The following OPCML variants were observed in gnomAD, a reference collection of about 807,000 sequenced individuals.
The protein encoded by OPCML is opioid binding protein/cell adhesion molecule like, also known as opioid-binding protein/cell adhesion molecule.
OPCML carries 13 observed loss-of-function variants against 37.8 expected under a neutral mutation model. The ratio of observed to expected loss-of-function variants is 0.34; its 90% CI spans 0.22 to 0.55. The LOEUF (loss-of-function observed/expected upper bound fraction) is 0.55, where lower values mean the gene tolerates loss of function less well. Among genes scored for constraint, OPCML ranks in the 20% least tolerant of loss-of-function variants. The pLI, the probability that OPCML is intolerant of heterozygous loss-of-function variation, is 0.91. For synonymous variants in OPCML, 176 were observed against 168.8 expected (o/e 1.04, Z -0.33); for missense variants, 341 against 435.6 (o/e 0.78, Z 1.93).
chr11:133,050,368 C>T (rs1290612301), intron 1 of OPCML, among the ~76,000 whole-genome samples: 1 of 152,140 alleles, frequency 6.6e-6, no homozygotes, highest in African/African-American at 2.4e-5. Context: ...CCTTGCTTGT[C>T]CAGGTAATGA....
chr11:132,551,265 C>T (rs528655944), intron 3 of OPCML, among the ~76,000 whole-genome samples: 1 of 152,134 alleles, frequency 6.6e-6, no homozygotes, highest in Non-Finnish European at 1.5e-5. Context: ...ACCGTCATTG[C>T]AAAATTGTAA....
chr11:133,362,371 C>A (rs1414272403), intron 1 of OPCML, among the ~76,000 whole-genome samples: 1 of 152,174 alleles, frequency 6.6e-6, no homozygotes, highest in Non-Finnish European at 1.5e-5. Context: ...TCCTCCTGGA[C>A]GGTGTCTCTT....
At chr11:133,310,067 ACGAAGATGGATAAAAT>A (rs1302276430) in intron 1 of OPCML, among the ~76,000 whole-genome samples, 2 of 152,374 alleles carry the variant, frequency 1.3e-5, no homozygotes, top group African/African-American at 4.8e-5. Context: ...TGTTAGAGAC[ACGAAGATGGATAAAAT>A]CGTAGAGAAA....
At chr11:132,637,767 T>C (rs1291871129) in intron 3 of OPCML, among the ~76,000 whole-genome samples, 1 of 152,190 alleles carries the variant, frequency 6.6e-6, no homozygotes, top group Non-Finnish European at 1.5e-5. Context: ...TCAGGACACA[T>C]AGACATTGTC....
At chr11:132,759,015 G>T (rs1946165642) in intron 2 of OPCML, among the ~76,000 whole-genome samples, 1 of 151,966 alleles carries the variant, frequency 6.6e-6, no homozygotes, top group Non-Finnish European at 1.5e-5. Flanking sequence ...CATGAAAGGG[G>T]GTTGAATTTT....
intron 2 of OPCML, among the ~76,000 whole-genome samples, chr11:132,889,774 T>C (rs1943573339): frequency 6.6e-6 from 1 of 152,210 alleles, no homozygotes; most frequent in Non-Finnish European, 1.5e-5. Context: ...GGATGAGGTT[T>C]GTCTGAATAA....
At chr11:133,118,843 C>T (rs562092793) in intron 1 of OPCML, among the ~76,000 whole-genome samples, 1 of 152,284 alleles carries the variant, frequency 6.6e-6, no homozygotes, top group Admixed American at 6.5e-5. Context: ...GCAAAGTGCC[C>T]TCCTGCACAG....
chr11:133,335,411 G>A lies in OPCML; in HGVS notation c.61+196853C>T, dbSNP rs114054756. ...GATTGTCTTCAGAACAAGACAAGGC[G>A]GACTTCAATTTACAGTGTGGGCCCT... On this transcript the variant is annotated intron_variant, in intron 1 of 7. Transcript: ENST00000524381. 4.8e-3 allele frequency among the ~76,000 whole-genome samples: 729 copies of A among 152,214 alleles called. 4 individuals carry two copies. The highest frequency in any genetic ancestry group is 0.015 in the African/African-American group (641 of 41,536).
chr11:132,658,154 A>G (rs1168516592), intron 2 of OPCML, among the ~76,000 whole-genome samples: 1 of 152,198 alleles, frequency 6.6e-6, no homozygotes, highest in Non-Finnish European at 1.5e-5. Context: ...GTGCCCAGGA[A>G]CTGAGGACGT....
intron 4 of OPCML, among the ~76,000 whole-genome samples, chr11:132,510,617 A>C (rs914955473): frequency 6.6e-6 from 1 of 152,096 alleles, no homozygotes; most frequent in Non-Finnish European, 1.5e-5. Context: ...AGGGCTTTCC[A>C]CTTTTGCTTC....
chr11:133,019,891 G>T (rs1026767567), intron 1 of OPCML, among the ~76,000 whole-genome samples: 3 of 152,158 alleles, frequency 2.0e-5, no homozygotes, highest in Non-Finnish European at 4.4e-5. Flanking sequence ...ACCAGCTGAG[G>T]GTCCACTCAA....
At chr11:133,431,056 G>C (rs1182097477) in intron 1 of OPCML, among the ~76,000 whole-genome samples, 1 of 152,272 alleles carries the variant, frequency 6.6e-6, no homozygotes, top group African/African-American at 2.4e-5. Context: ...CATTTATCAA[G>C]TACCACATCT....
chr11:133,190,181 C>A (rs2136299772), intron 1 of OPCML, among the ~76,000 whole-genome samples: 1 of 152,296 alleles, frequency 6.6e-6, no homozygotes, highest in South Asian at 2.1e-4. Context: ...TTGCTGTAAG[C>A]TATCATCAGT....
chr11:133,140,727 C>CGGAAGACGGAA lies in OPCML; in HGVS notation c.62-197718_62-197717insTTCCGTCTTCC, dbSNP rs5795824. The stretch of plus-strand genomic sequence containing the variant: ...GAAGACGGAAGACGAAGACGGAAGA[C>CGGAAGACGGAA]GACGACGACGACGACGACGAGGAAG... On this transcript the variant is annotated intron_variant, in intron 1 of 7. Transcript: ENST00000524381. 1.9e-3 allele frequency among the ~76,000 whole-genome samples: 206 copies of CGGAAGACGGAA among 108,246 alleles called. 9 individuals carry two copies. The East Asian group carries it at 0.054, about 28-fold the overall frequency. 71.0% of individuals were successfully genotyped at this position (108,246 alleles called of 152,430 possible).
intron 7 of OPCML, among the ~76,000 whole-genome samples, chr11:132,427,559 G>C (rs1156306474): frequency 1.3e-5 from 2 of 152,192 alleles, no homozygotes; most frequent in Non-Finnish European, 2.9e-5. Context: ...AGTCGATAAA[G>C]AGGCAACCAT....
intron 2 of OPCML, among the ~76,000 whole-genome samples, chr11:132,818,291 T>G (rs1939745954): frequency 6.6e-6 from 1 of 152,174 alleles, no homozygotes; most frequent in Admixed American, 6.5e-5. Flanking sequence ...ATTTTATCTT[T>G]TCTTCAATTT....
At chr11:132,441,045 G>A (rs2096030858) in intron 4 of OPCML, among the ~76,000 whole-genome samples, 1 of 151,944 alleles carries the variant, frequency 6.6e-6, no homozygotes, top group Non-Finnish European at 1.5e-5. Context: ...GATGAGGGAG[G>A]AACAGGATAG....
chr11:132,980,151 A>G (rs1261976489), intron 1 of OPCML, among the ~76,000 whole-genome samples: 1 of 152,204 alleles, frequency 6.6e-6, no homozygotes, highest in Non-Finnish European at 1.5e-5. Context: ...GGGACAAAGG[A>G]AGATGAGATG....
chr11:132,641,355 C>G (rs1249013913), intron 3 of OPCML, among the ~76,000 whole-genome samples: 1 of 152,186 alleles, frequency 6.6e-6, no homozygotes, highest in South Asian at 2.1e-4. Context: ...AGAGCTGCCA[C>G]TTTCACCTCT....
Sources: gnomAD v4.1 joint callset for allele counts (sites outside exome capture counted in the v4.1 genomes callset) on GRCh38, gnomAD v4.1.1 for gene constraint, MANE v1.5 for transcripts, NCBI Gene and HGNC (gene_info 2026-07-23, HGNC 2026-07-21) for gene names.